OTOGL: variants seen among roughly 807,000 people sequenced by gnomAD.
OTOGL encodes otogelin like.
Under a neutral mutation model 318.5 loss-of-function variants are expected in OTOGL, and 285 were observed. The observed-to-expected ratio is 0.89, with a 90% CI of 0.81 to 0.99. The LOEUF is 0.99. Ranked by LOEUF, OTOGL falls within the 50% of genes least tolerant of loss-of-function variation. The pLI is 0.00. For missense variants in OTOGL, 2,899 were observed against 2,845.6 expected, an observed-to-expected ratio of 1.02 and a Z score of -0.43; for synonymous variants, 987 against 936.5, an observed-to-expected ratio of 1.05 and a Z score of -0.99.
chr12:80,300,224 C>A (rs1271666563), intron 27 of OTOGL, among the ~76,000 whole-genome samples: 1 of 148,422 alleles, frequency 6.7e-6, no homozygotes, highest in African/African-American at 2.5e-5. Flanking sequence ...TTTTAATCAT[C>A]ATTTAATGCT....
At chr12:80,145,397 G>C (rs888711538) in intron 1 of OTOGL, among the ~76,000 whole-genome samples, 9 of 151,954 alleles carry the variant, frequency 5.9e-5, no homozygotes, top group African/African-American at 1.9e-4. Context: ...TGAGGGCTCT[G>C]TTCTGTTCCA....
chr12:80,310,473 C>A (rs55874219), intron 29 of OTOGL, 138 bp from the exon 30 acceptor site: 16,860 of 599,836 alleles, frequency 0.028, 281 homozygotes, highest in Non-Finnish European at 0.036. Flanking sequence ...AGGATGTGAG[C>A]AGGTGCTTTA....
chr12:80,363,181 A>G (rs930261106), intron 52 of OTOGL, among the ~76,000 whole-genome samples: 6 of 152,140 alleles, frequency 3.9e-5, no homozygotes, highest in African/African-American at 1.4e-4. Flanking sequence ...ATTTTCATTT[A>G]TTTCTTCAAC....
At chr12:80,178,021 C>G (rs1240531701) in intron 1 of OTOGL, among the ~76,000 whole-genome samples, 1 of 142,190 alleles carries the variant, frequency 7.0e-6, no homozygotes. Flanking sequence ...TAGTTTTTTT[C>G]TGTTTTTTCT....
chr12:80,244,032 A>G (rs1285876676), intron 11 of OTOGL, among the ~76,000 whole-genome samples: 1 of 151,188 alleles, frequency 6.6e-6, no homozygotes, highest in Non-Finnish European at 1.5e-5. Flanking sequence ...GAGAATTCCA[A>G]CTCAGAATAT....
At position 80,379,002 on chromosome 12, in the gene OTOGL, C is replaced by T. The variant is rs1454955802; in HGVS notation, c.*954C>T. The T allele has an allele frequency of 1.3e-5, 2 of 152,342 alleles. No individual in the cohort carries two copies. The highest frequency in any genetic ancestry group is 2.4e-5 in the African/African-American group (1 of 41,406). The allele number at this position is 152,342 out of a possible 1,614,324, so 9.4% of individuals were successfully genotyped here. On this transcript the variant is annotated 3_prime_UTR_variant, in exon 59 of 59. Transcript: ENST00000547103. ...TTAATTTTGAGGATGTACTTGCATA[C>T]TGTTGAAGTTGAGTGCTGTTTTGCT...
At chr12:80,139,810 T>C (rs1871811832) in intron 1 of OTOGL, among the ~76,000 whole-genome samples, 1 of 152,170 alleles carries the variant, frequency 6.6e-6, no homozygotes, top group Admixed American at 6.5e-5. Flanking sequence ...CTAGGAGTAG[T>C]GTGCTGTAGT....
intron 1 of OTOGL, among the ~76,000 whole-genome samples, chr12:80,180,039 G>A (rs540850468): frequency 6.6e-6 from 1 of 152,200 alleles, no homozygotes; most frequent in Non-Finnish European, 1.5e-5. Context: ...TCAAGGTTTG[G>A]TTTTATCCTA....
Position 80,341,821 on chromosome 12 carries a change from A to T in OTOGL, c.5051-127A>T, listed in dbSNP as rs1888785956. On this transcript the variant is annotated intron_variant, in intron 43 of 58. Transcript: ENST00000547103. ...GTTATTTCAATGTAAAAGTTCAAGGATACATAAACTTGGTACCTTATATGG... is the reference window on the plus strand; with the variant it reads ...GTTATTTCAATGTAAAAGTTCAAGGTTACATAAACTTGGTACCTTATATGG... 5 of 670,666 alleles carry T rather than the reference A, an allele frequency of 7.5e-6. No individual in the cohort carries two copies. The South Asian group carries it at 1.0e-4, about 14-fold the overall frequency. The allele number at this position is 670,666 out of a possible 1,614,324, so 41.5% of individuals were successfully genotyped here. A position where few individuals can be genotyped will look rare whatever the true frequency, so the allele number is the denominator to read the frequency against.
chr12:80,103,404 G>A, intron 1 of OTOGL: 1 of 748,918 alleles, frequency 1.3e-6, no homozygotes, highest in Non-Finnish European at 2.3e-6. Context: ...TTTTGACTGT[G>A]GCATCTTCTC....
At position 80,351,290 on chromosome 12, in the gene OTOGL, G is replaced by GT. The variant is rs367974556; in HGVS notation, c.5266-989dup. Among the ~76,000 whole-genome samples the GT allele has an allele frequency of 6.7e-5, 10 of 149,184 alleles. No homozygotes were observed. In the East Asian group the frequency reaches 9.8e-4, roughly 15 times the overall value. ...TAAATGTCTGTTTTCTTGCCATTGT[G>GT]TTTTTTTTTTTTTTTTGTTGTTGTT... On this transcript the variant is annotated intron_variant, in intron 44 of 58. Coordinates refer to ENST00000547103, the MANE Select transcript of OTOGL (RefSeq NM_001378609.3).
rs1398481100 is a variant in OTOGL at position 80,209,368 on chromosome 12, T to C, written c.-19-45T>C. The C allele has an allele frequency of 2.7e-6, 3 of 1,101,144 alleles. No homozygotes were observed. The East Asian group carries it at 8.0e-5, about 29-fold the overall frequency. 68.2% of individuals were successfully genotyped at this position (1,101,144 alleles called of 1,614,324 possible). On this transcript the variant is annotated intron_variant, in intron 1 of 58. Transcript: ENST00000547103. ...AGTACCCTACAAATATGCATACTTC[T>C]AAGATGCCATCATAATAAAGACCAT... is the stretch of plus-strand genomic sequence containing the variant.
chr12:80,355,854 C>A lies in OTOGL; in HGVS notation c.5712C>A (p.Asp1904Glu), dbSNP rs768749743. The A allele has an allele frequency of 4.3e-6, 7 of 1,613,784 alleles. No individual in the cohort carries two copies. The African/African-American group carries it at 9.3e-5, about 22-fold the overall frequency. Reference protein sequence around the residue: ...ENGSIIPIEPDCDEEPTPVCE... With the variant: ...ENGSIIPIEPECDEEPTPVCE... ...GAAGCATTATCCCTATAGAACCTGA[C>A]TGTGATGAAGAGCCCACGCCAGTTT... The change falls in exon 47 of 59, where the codon GAC becomes GAA. Residue 1904 changes from aspartate (D) to glutamate (E), a missense_variant. This residue lies in a region of OTOGL where 2,607 missense variants were observed against 2,524.9 expected (regional missense o/e 1.03). Coordinates refer to ENST00000547103, the MANE Select transcript of OTOGL (RefSeq NM_001378609.3).
intron 4 of OTOGL, among the ~76,000 whole-genome samples, chr12:80,216,588 T>C (rs1319651981): frequency 6.6e-6 from 1 of 152,232 alleles, no homozygotes; most frequent in Admixed American, 6.5e-5. Flanking sequence ...TTTGCTAATT[T>C]TCTGTGTGAG....
At chr12:80,322,477 C>T (rs190280965) in intron 34 of OTOGL, among the ~76,000 whole-genome samples, 52 of 152,220 alleles carry the variant, frequency 3.4e-4, no homozygotes, top group African/African-American at 1.2e-3. Flanking sequence ...TTTCAGGATG[C>T]GTGAGACGAG....
At chr12:80,323,657 AG>A (rs1364035934) in intron 34 of OTOGL, 65 bp from the exon 35 acceptor site, 1 of 1,227,612 alleles carries the variant, frequency 8.1e-7, no homozygotes, top group Non-Finnish European at 1.2e-6. Flanking sequence ...AAGAAAGAAA[AG>A]GGAATTGTTA....
intron 24 of OTOGL, 131 bp downstream of exon 24, chr12:80,271,941 G>A (rs1230148312): frequency 1.9e-6 from 2 of 1,026,166 alleles, no homozygotes; most frequent in Non-Finnish European, 2.7e-6. Context: ...GTAGCTAGAA[G>A]ACTATTGTGA....
rs1351365214 is a variant in OTOGL, at chr12:80,378,063, A to G, written c.*15A>G. 4 of 1,528,682 alleles carry G rather than the reference A, an allele frequency of 2.6e-6. No individual in the cohort carries two copies. The South Asian group carries it at 3.6e-5, about 14-fold the overall frequency. The allele number at this position is 1,528,682 out of a possible 1,614,324, so 94.7% of individuals were successfully genotyped here. A position where few individuals can be genotyped will look rare whatever the true frequency, so the allele number is the denominator to read the frequency against. On this transcript the variant is annotated 3_prime_UTR_variant, in exon 59 of 59. Coordinates refer to ENST00000547103, the MANE Select transcript of OTOGL (RefSeq NM_001378609.3). The stretch of plus-strand genomic sequence containing the variant: ...AGTGGAATTAAACCCTTGGGTTCCA[A>G]GAGCTCTATACAACATCATAACGTC...
chr12:80,300,611 G>A (rs561418177), intron 27 of OTOGL, among the ~76,000 whole-genome samples: 4 of 152,214 alleles, frequency 2.6e-5, no homozygotes, highest in East Asian at 1.9e-4. Context: ...GCAAGGAACC[G>A]TCCTTGCTCA....
Sources: gnomAD v4.1 joint callset for allele counts (sites outside exome capture counted in the v4.1 genomes callset) on GRCh38, gnomAD v4.1.1 for gene constraint, gnomAD v4.1.1 regional missense constraint, MANE v1.5 for transcripts, NCBI Gene and HGNC (gene_info 2026-07-23, HGNC 2026-07-21) for gene names.